Variants in MAN2A1 observed in about 807,000 individuals in gnomAD.
The protein encoded by MAN2A1 is mannosidase alpha class 2A member 1, also known as alpha-mannosidase 2.
A neutral mutation model predicts 142.6 loss-of-function variants in MAN2A1; 76 were observed. The ratio of observed to expected loss-of-function variants is 0.53; its 90% CI spans 0.44 to 0.65. MAN2A1 has a LOEUF of 0.65. MAN2A1 is among the 30% of genes least tolerant of loss of function. The pLI, the probability that MAN2A1 is intolerant of heterozygous loss-of-function variation, is 0.00. For synonymous variants in MAN2A1, 559 were observed against 473.2 expected (o/e 1.18, Z -2.35); for missense variants, 1,311 against 1,365.1 (o/e 0.96, Z 0.62).
At chr5:109,838,059 T>TA (rs59745040) in intron 16 of MAN2A1, among the ~76,000 whole-genome samples, 2,127 of 144,302 alleles carry the variant, frequency 0.015, 24 homozygotes, top group Non-Finnish European at 0.022. Context: ...GTAGGGAGAT[T>TA]AAAAAAAAAA....
intron 4 of MAN2A1, among the ~76,000 whole-genome samples, chr5:109,752,063 G>A (rs1353398143): frequency 6.6e-6 from 1 of 152,038 alleles, no homozygotes; most frequent in Non-Finnish European, 1.5e-5. Flanking sequence ...CACTGTTTGT[G>A]TATTAATACT....
At chr5:109,856,211 A>C (rs6863999) in intron 20 of MAN2A1, among the ~76,000 whole-genome samples, 114,117 of 152,044 alleles carry the variant, frequency 0.75, 43,863 homozygotes, top group East Asian at 0.93. Flanking sequence ...AGTTGAGACA[A>C]TTTTGAAAGC....
At chr5:109,811,717 C>T (rs560726836) in intron 12 of MAN2A1, among the ~76,000 whole-genome samples, 3 of 151,882 alleles carry the variant, frequency 2.0e-5, no homozygotes, top group Non-Finnish European at 4.4e-5. Context: ...GTTTCTGTGC[C>T]TCTCCCTCCT....
chr5:109,785,163 T>C (rs905013320), intron 10 of MAN2A1, among the ~76,000 whole-genome samples: 6 of 152,106 alleles, frequency 3.9e-5, no homozygotes, highest in Non-Finnish European at 8.8e-5. Flanking sequence ...TAGTAAAATA[T>C]TATTACTACT....
intron 12 of MAN2A1, among the ~76,000 whole-genome samples, chr5:109,792,644 T>G (rs1753764097): frequency 6.6e-6 from 1 of 152,168 alleles, no homozygotes; most frequent in Non-Finnish European, 1.5e-5. Context: ...CCCACGTTTT[T>G]GTAGAACTGC....
chr5:109,805,147 G>T (rs1754131958), intron 12 of MAN2A1, among the ~76,000 whole-genome samples: 1 of 152,068 alleles, frequency 6.6e-6, no homozygotes, highest in South Asian at 2.1e-4. Flanking sequence ...TTTGTTTGAG[G>T]CAAAACTCAG....
intron 5 of MAN2A1, among the ~76,000 whole-genome samples, chr5:109,764,029 G>A (rs193060817): frequency 2.0e-5 from 3 of 152,170 alleles, no homozygotes; most frequent in East Asian, 3.9e-4. Flanking sequence ...TCGAACTCCT[G>A]ACCTCAGGTG....
intron 16 of MAN2A1, among the ~76,000 whole-genome samples, chr5:109,828,027 C>T (rs1305594459): frequency 6.6e-6 from 1 of 151,192 alleles, no homozygotes; most frequent in Non-Finnish European, 1.5e-5. Context: ...ATCGCTTCAA[C>T]GCAGGAGGCG....
At chr5:109,802,475 A>G (rs1754057000) in intron 12 of MAN2A1, among the ~76,000 whole-genome samples, 1 of 152,124 alleles carries the variant, frequency 6.6e-6, no homozygotes, top group Admixed American at 6.5e-5. Flanking sequence ...AGTTCTGTAG[A>G]GTATTGGTTT....
chr5:109,815,161 T>C (rs920298067), intron 12 of MAN2A1, among the ~76,000 whole-genome samples: 6 of 152,256 alleles, frequency 3.9e-5, no homozygotes, highest in African/African-American at 9.6e-5. Context: ...GACAGTCCCA[T>C]TGGTAATAAT....
intron 12 of MAN2A1, among the ~76,000 whole-genome samples, chr5:109,801,806 A>G (rs1280853414): frequency 6.6e-6 from 1 of 152,222 alleles, no homozygotes; most frequent in Non-Finnish European, 1.5e-5. Flanking sequence ...AAAATTTTCT[A>G]CATATTCTAA....
At position 109,867,150 on chromosome 5, in the gene MAN2A1, A is replaced by C; in HGVS notation, c.*152A>C. 3.4e-6 allele frequency: 1 copy of C among 297,758 alleles called. No individual in the cohort carries two copies. Among genetic ancestry groups the C allele is most frequent in the Non-Finnish European group, 6.0e-6 (1 of 166,184 alleles). 18.4% of individuals were successfully genotyped at this position (297,758 alleles called of 1,614,324 possible). A position where few individuals can be genotyped will look rare whatever the true frequency, so the allele number is the denominator to read the frequency against. On this transcript the variant is annotated 3_prime_UTR_variant, in exon 22 of 22. Transcript: ENST00000261483. ...GTTTTTTCTTTTTTCTTTTACCAGT[A>C]CAGTAAGAAAAAAAAAAAAAAAAAA...
intron 3 of MAN2A1, among the ~76,000 whole-genome samples, chr5:109,727,076 T>C (rs1181092615): frequency 6.6e-6 from 1 of 152,234 alleles, no homozygotes; most frequent in Non-Finnish European, 1.5e-5. Flanking sequence ...TTAAATATTA[T>C]GTTGATATTT....
At chr5:109,708,464 G>A (rs545996857) in intron 1 of MAN2A1, among the ~76,000 whole-genome samples, 1 of 142,618 alleles carries the variant, frequency 7.0e-6, no homozygotes, top group Non-Finnish European at 1.5e-5. Flanking sequence ...GAATGGGAAT[G>A]TAAGATGTTT....
chr5:109,746,471 T>C lies in MAN2A1; in HGVS notation c.708-8858T>C, dbSNP rs527598500. Reference sequence around the variant, plus strand: ...CAGGAGGTAACTACTATGACCAGGCTCTTATTTATTTTATGGATGTATGGG... The same window carrying C: ...CAGGAGGTAACTACTATGACCAGGCCCTTATTTATTTTATGGATGTATGGG... On this transcript the variant is annotated intron_variant, in intron 4 of 21. Transcript: ENST00000261483. 9.1e-4 allele frequency among the ~76,000 whole-genome samples: 139 copies of C among 152,176 alleles called. 1 individual carries two copies. The highest frequency in any genetic ancestry group is 4.0e-4 in the Non-Finnish European group (27 of 68,006).
Position 109,713,569 on chromosome 5 carries a change from T to C in MAN2A1, c.185T>C (p.Leu62Pro). ...AAAATAGACCATTTGGAGCGTTTGC[T>C]AGCTGAGAATAATGAGATCATCTCA... ...QEKIDHLERLLAENNEIISNI... is the reference protein window; with the variant it reads ...QEKIDHLERLPAENNEIISNI... The change falls in exon 2 of 22, where the codon CTA becomes CCA. Residue 62 changes from leucine to proline, a missense_variant. Leu to Pro is a moderately conservative substitution (Grantham distance 98). Around this residue, in one of 3 missense-constraint regions of MAN2A1, gnomAD observed 409 missense variants for 412.7 expected, o/e 0.99. Transcript: ENST00000261483. 6.2e-7 allele frequency: 1 copy of C among 1,613,696 alleles called. No individual in the cohort carries two copies.
At chr5:109,832,788 C>T (rs923631253) in intron 16 of MAN2A1, among the ~76,000 whole-genome samples, 7 of 151,496 alleles carry the variant, frequency 4.6e-5, no homozygotes, top group Non-Finnish European at 7.4e-5. Flanking sequence ...ACCTCCCTCC[C>T]GGACGGGGCG....
rs543522067 is a variant in MAN2A1, at chr5:109,731,350, G to A, written c.707+1837G>A. 8.7e-5 allele frequency among the ~76,000 whole-genome samples: 12 copies of A among 137,284 alleles called. No homozygotes were observed. The East Asian group carries it at 1.4e-3, about 16-fold the overall frequency. The allele number at this position is 137,284 out of a possible 152,430, so 90.1% of individuals were successfully genotyped here. On this transcript the variant is annotated intron_variant, in intron 4 of 21. Transcript: ENST00000261483. ...CATAGGCTATTAAAAATAGGAAAGCGTGTTTCTTTTTTTTATTATTATTAT... is the reference window on the plus strand; with the variant it reads ...CATAGGCTATTAAAAATAGGAAAGCATGTTTCTTTTTTTTATTATTATTAT...
At chr5:109,693,607 CT>C (rs1461735421) in intron 1 of MAN2A1, among the ~76,000 whole-genome samples, 1 of 151,750 alleles carries the variant, frequency 6.6e-6, no homozygotes, top group Non-Finnish European at 1.5e-5. Context: ...GGGGTTTGTT[CT>C]TTTTCTCTTC....
Sources: allele counts gnomAD v4.1 joint callset (sites outside exome capture counted in the v4.1 genomes callset), GRCh38; gene constraint gnomAD v4.1.1; regional missense constraint gnomAD v4.1.1; transcripts MANE v1.5; gene names NCBI Gene and HGNC (gene_info 2026-07-23, HGNC 2026-07-21).